BUD23: variants seen among roughly 807,000 people sequenced by gnomAD.
The protein encoded by BUD23 is 18S rRNA (guanine-N(7))-methyltransferase.
BUD23 carries 34 observed loss-of-function variants against 47.0 expected under a neutral mutation model. That is an observed-to-expected ratio of 0.72 (90% CI 0.55 to 0.96). BUD23 has a LOEUF of 0.96. Among genes scored for constraint, BUD23 ranks in the 40% least tolerant of loss-of-function variants. The pLI, the probability that BUD23 is intolerant of heterozygous loss-of-function variation, is 0.00. For synonymous variants in BUD23, 124 were observed against 132.0 expected, an observed-to-expected ratio of 0.94 and a Z score of 0.41; for missense variants, 343 against 361.2, an observed-to-expected ratio of 0.95 and a Z score of 0.41.
At chr7:73,694,204 G>C in intron 10 of BUD23, 154 bp downstream of exon 10, 1 of 789,428 alleles carries the variant, frequency 1.3e-6, no homozygotes, top group African/African-American at 1.8e-5. Flanking sequence ...TTTGGACTGT[G>C]CCTGTTTGGG....
intron 6 of BUD23, 142 bp from the exon 7 acceptor site, chr7:73,692,454 G>C (rs1177443220): frequency 8.9e-6 from 6 of 677,352 alleles, no homozygotes; most frequent in Admixed American, 6.6e-5. Flanking sequence ...GATCTCTTTT[G>C]TTCATACTAT....
chr7:73,691,004 T>C lies in BUD23; in HGVS notation c.451T>C (p.Ser151Pro). 6.2e-7 allele frequency: 1 copy of C among 1,614,124 alleles called. No homozygotes were observed. Among genetic ancestry groups the C allele is most frequent in the Non-Finnish European group, 8.5e-7 (1 of 1,179,980 alleles). ...GTACTGCTTTTTTGCTTCTCTTTTT[T>C]CTGTTCTCGTGAGTATAAGATCTTC... is the stretch of plus-strand genomic sequence containing the variant. ...RLYCFFASLF[S>P]VLVRGSRAVL... Residue 151 changes from serine to proline, a missense_variant, in exon 6 of 12, where the codon TCT becomes CCT. Ser to Pro is a moderately conservative substitution (Grantham distance 74). Transcript: ENST00000265758.
In BUD23 at chr7:73,693,425, G is replaced by C. The variant is rs1798268742; in HGVS notation, c.596+11G>C. On this transcript the variant is annotated intron_variant, in intron 8 of 11. Transcript: ENST00000265758. ...TGCCAAAGCAAAGAAGTGAGCGCTG[G>C]GGGCCGGTGTGCTGCCTGGGCTGCA... The C allele has an allele frequency of 6.2e-7, 1 of 1,614,128 alleles. No homozygotes were observed. The highest frequency in any genetic ancestry group is 1.7e-5 in the Admixed American group (1 of 60,018).
At chr7:73,694,948 A>G (rs782324478) in intron 10 of BUD23, 1 of 152,176 alleles carries the variant, frequency 6.6e-6, no homozygotes, top group African/African-American at 2.4e-5. Flanking sequence ...ATGCCCCCTC[A>G]GTGTCTATAC....
chr7:73,693,182 CT>C, intron 7 of BUD23, 146 bp from the exon 8 acceptor site: 1 of 728,964 alleles, frequency 1.4e-6, no homozygotes, highest in Admixed American at 2.2e-5. Flanking sequence ...CTAGCCTGTA[CT>C]TTTCTCTACG....
At chr7:73,684,382 A>G (rs1797855902) in intron 2 of BUD23, among the ~76,000 whole-genome samples, 1 of 151,304 alleles carries the variant, frequency 6.6e-6, no homozygotes, top group Non-Finnish European at 1.5e-5. Flanking sequence ...CTCCGCAAGT[A>G]ATAAAAAAAT....
chr7:73,691,096 C>G (rs1289132190), intron 6 of BUD23, 84 bp downstream of exon 6: 2 of 1,226,486 alleles, frequency 1.6e-6, no homozygotes, highest in Admixed American at 3.5e-5. Context: ...TTGAGGTGTC[C>G]CATGATGGGT....
At chr7:73,683,875 T>G (rs1037393560) in intron 2 of BUD23, 71 bp downstream of exon 2, 1 of 1,613,614 alleles carries the variant, frequency 6.2e-7, no homozygotes. Flanking sequence ...TTGCTGGCGT[T>G]GCCCGGAAAG....
chr7:73,684,269 C>T (rs1161326164), intron 2 of BUD23, among the ~76,000 whole-genome samples: 1 of 151,992 alleles, frequency 6.6e-6, no homozygotes, highest in Admixed American at 6.6e-5. Flanking sequence ...GAGTGGCTCA[C>T]GCGTGTAATC....
chr7:73,683,758 T>G lies in BUD23; in HGVS notation c.49-9T>G. 6.2e-7 allele frequency: 1 copy of G among 1,614,174 alleles called. No homozygotes were observed. The highest frequency in any genetic ancestry group is 8.5e-7 in the Non-Finnish European group (1 of 1,180,032). On this transcript the variant is annotated splice_polypyrimidine_tract_variant and intron_variant, in intron 1 of 11. Transcript: ENST00000265758. ...TATTCCTCTACATGCCATTTTCTCT[T>G]TTTCGCAGTTTTATGACGAGACAGA...
At position 73,693,694 on chromosome 7, in the gene BUD23, A is replaced by T. The variant is rs1798282983; in HGVS notation, c.642+25A>T. On this transcript the variant is annotated intron_variant, in intron 9 of 11. Transcript: ENST00000265758. ...GGTGAGGGACACTGGGTTTGCAGGC[A>T]GGCCTGTGTCTTTTGACTTCCAGGC... The T allele has an allele frequency of 4.3e-6, 7 of 1,613,988 alleles. No individual in the cohort carries two copies. The East Asian group carries it at 1.6e-4, about 36-fold the overall frequency.
At position 73,697,997 on chromosome 7, in the gene BUD23, A is replaced by T. The variant is rs1038865864; in HGVS notation, c.*111A>T. On this transcript the variant is annotated 3_prime_UTR_variant, in exon 12 of 12. Coordinates refer to ENST00000265758, the MANE Select transcript of BUD23 (RefSeq NM_017528.5). ...AAGTTATAAAAATGTTTTCTGCAGT[A>T]AAAAAAAAGTTCTCTGGGCCGGGCG... The T allele has an allele frequency of 2.5e-6, 3 of 1,209,900 alleles. No homozygotes were observed. Among genetic ancestry groups the T allele is most frequent in the Admixed American group, 6.3e-5 (2 of 31,680 alleles). The allele number at this position is 1,209,900 out of a possible 1,614,324, so 74.9% of individuals were successfully genotyped here. A position where few individuals can be genotyped will look rare whatever the true frequency, so the allele number is the denominator to read the frequency against.
At chr7:73,687,136 G>C in intron 5 of BUD23, 41 bp downstream of exon 5, 1 of 1,597,602 alleles carries the variant, frequency 6.3e-7, no homozygotes, top group Non-Finnish European at 8.6e-7. Flanking sequence ...TTTAGAGACA[G>C]GGTCTCACTC....
At chr7:73,683,827 G>C (rs535953556) in intron 2 of BUD23, 23 bp downstream of exon 2, 1 of 1,614,168 alleles carries the variant, frequency 6.2e-7, no homozygotes, top group African/African-American at 1.3e-5. Flanking sequence ...TGAATACTGC[G>C]GGGCGTCCGG....
chr7:73,697,372 C>A, intron 10 of BUD23: 1 of 1,477,936 alleles, frequency 6.8e-7, no homozygotes. Context: ...ATGCCCGGCC[C>A]AGCTCTCTCC....
chr7:73,687,186 C>T, intron 5 of BUD23, 91 bp downstream of exon 5: 1 of 1,331,904 alleles, frequency 7.5e-7, no homozygotes, highest in Non-Finnish European at 1.0e-6. Context: ...GATTATGGCT[C>T]ACACTGCAGC....
At chr7:73,686,610 G>A (rs375122848) in intron 2 of BUD23, 26 bp from the exon 3 acceptor site, 49 of 1,609,160 alleles carry the variant, frequency 3.0e-5, no homozygotes, top group Non-Finnish European at 3.9e-5. Flanking sequence ...CCTTTACCAT[G>A]TCCACTTGTG....
At position 73,687,112 on chromosome 7, in the gene BUD23, C is replaced by A; in HGVS notation, c.362+17C>A. On this transcript the variant is annotated intron_variant, in intron 5 of 11. Transcript: ENST00000265758. Reference sequence around the variant, plus strand: ...TTGCATCAGGTGAGGGTCTTTAATTCCTGCTTTTATTTATTTAGAGACAGG... The same window carrying A: ...TTGCATCAGGTGAGGGTCTTTAATTACTGCTTTTATTTATTTAGAGACAGG... 5 of 1,611,654 alleles carry A rather than the reference C, an allele frequency of 3.1e-6. No individual in the cohort carries two copies. Among genetic ancestry groups the A allele is most frequent in the Non-Finnish European group, 4.2e-6 (5 of 1,179,178 alleles).
chr7:73,693,658 T>A lies in BUD23; in HGVS notation c.631T>A (p.Phe211Ile). The change falls in exon 9 of 12, where the codon TTT becomes ATT. Residue 211 changes from phenylalanine (F) to isoleucine (I), a missense_variant. Physicochemically the swap from Phe to Ile is conservative, Grantham distance 21. Coordinates refer to ENST00000265758, the MANE Select transcript of BUD23 (RefSeq NM_017528.5). Reference protein sequence around the residue: ...YLCLFSGPSTFIPEGLSENQD... With the variant: ...YLCLFSGPSTIIPEGLSENQD... ...CTGCTTGTTTTCTGGGCCTTCGACC[T>A]TTATACCAGAGGTGAGGGACACTGG... is the stretch of plus-strand genomic sequence containing the variant. 1 of 1,614,144 alleles carries A rather than the reference T, an allele frequency of 6.2e-7. No homozygotes were observed.
Sources: gnomAD v4.1 joint callset for allele counts (sites outside exome capture counted in the v4.1 genomes callset) on GRCh38, gnomAD v4.1.1 for gene constraint, MANE v1.5 for transcripts, NCBI Gene and HGNC (gene_info 2026-07-23, HGNC 2026-07-21) for gene names.